The following BASP1 variants were observed in gnomAD, a reference collection of about 807,000 sequenced individuals.
BASP1 encodes the protein brain acid soluble protein 1.
Under a neutral mutation model 2.2 loss-of-function variants are expected in BASP1, and 1 was observed. The ratio of observed to expected loss-of-function variants is 0.46; its 90% CI spans 0.16 to 2.17. The LOEUF (loss-of-function observed/expected upper bound fraction) is 2.17. Ranked by LOEUF, BASP1 falls within the 30% of genes most tolerant of loss-of-function variation. The pLI, the probability that BASP1 is intolerant of heterozygous loss-of-function variation, is 0.27. For synonymous variants in BASP1, 187 were observed against 154.2 expected (o/e 1.21, Z -1.58); for missense variants, 352 against 327.2 (o/e 1.08, Z -0.58).
chr5:17,245,570 G>A (rs1185434898), intron 1 of BASP1, among the ~76,000 whole-genome samples: 2 of 151,360 alleles, frequency 1.3e-5, no homozygotes, highest in African/African-American at 2.4e-5. Flanking sequence ...TCTTACCTCA[G>A]CAATTTAATA....
intron 1 of BASP1, among the ~76,000 whole-genome samples, chr5:17,254,985 C>G (rs1212507866): frequency 6.6e-6 from 1 of 152,170 alleles, no homozygotes; most frequent in African/African-American, 2.4e-5. Flanking sequence ...TAGATAATTT[C>G]AATTCACCCT....
intron 1 of BASP1, among the ~76,000 whole-genome samples, chr5:17,255,260 T>G (rs1740184243): frequency 1.3e-5 from 2 of 152,168 alleles, no homozygotes; most frequent in South Asian, 4.1e-4. Flanking sequence ...CAGGTGTAGA[T>G]TCACAAGAGC....
intron 1 of BASP1, among the ~76,000 whole-genome samples, chr5:17,273,973 GAAA>G (rs948049927): frequency 1.3e-5 from 2 of 151,642 alleles, no homozygotes; most frequent in Non-Finnish European, 2.9e-5. Context: ...GGACTTGAAG[GAAA>G]AAAAATGCAC....
chr5:17,250,362 A>G (rs913509534), intron 1 of BASP1, among the ~76,000 whole-genome samples: 1 of 152,154 alleles, frequency 6.6e-6, no homozygotes, highest in Admixed American at 6.5e-5. Context: ...TCTTTTCTGA[A>G]ATTTTCAGCA....
chr5:17,250,834 G>A lies in BASP1; in HGVS notation c.-9-24374G>A, dbSNP rs1047588934. Among the ~76,000 whole-genome samples, 11 of 152,142 alleles carry A rather than the reference G, an allele frequency of 7.2e-5. No homozygotes were observed. The East Asian group carries it at 2.1e-3, about 30-fold the overall frequency. ...TTAGCCAGGATGGTCTCGATCTACT[G>A]ACCTCGTGATCCGCCCGCCTCGGCC... On this transcript the variant is annotated intron_variant, in intron 1 of 1. Transcript: ENST00000322611.
intron 1 of BASP1, among the ~76,000 whole-genome samples, chr5:17,255,007 G>C: frequency 6.6e-6 from 1 of 152,224 alleles, no homozygotes; most frequent in Middle Eastern, 3.4e-3. Flanking sequence ...TGCTTTCTTC[G>C]AACTGACGAA....
chr5:17,250,392 TAAC>T (rs1455075556), intron 1 of BASP1, among the ~76,000 whole-genome samples: 1 of 152,220 alleles, frequency 6.6e-6, no homozygotes, highest in Non-Finnish European at 1.5e-5. Flanking sequence ...TGGTAACTAT[TAAC>T]AATCAGTCTA....
rs1391379133 is a variant in BASP1, at chr5:17,225,240, T to G, written c.-10+7430T>G. On this transcript the variant is annotated intron_variant, in intron 1 of 1. Coordinates refer to ENST00000322611, the MANE Select transcript of BASP1 (RefSeq NM_006317.5). ...CTGTCTGCAACGTAAAACTTTTTTT[T>G]CTACCATTTTTTTTTGTACCCTAGA... Among the ~76,000 whole-genome samples the G allele has an allele frequency of 2.0e-5, 3 of 151,654 alleles. No individual in the cohort carries two copies. In the East Asian group the frequency reaches 5.8e-4, roughly 29 times the overall value.
Position 17,260,989 on chromosome 5 carries a change from G to C in BASP1, c.-9-14219G>C, listed in dbSNP as rs1740301403. 6.6e-6 allele frequency among the ~76,000 whole-genome samples: 1 copy of C among 152,022 alleles called. No homozygotes were observed. Among genetic ancestry groups the C allele is most frequent in the Non-Finnish European group, 1.5e-5 (1 of 68,016 alleles). ...GAGCTCAGGAGTTAAAGACTAGCCT[G>C]GGAAATATAGTGAGACTCCCATCTC... On this transcript the variant is annotated intron_variant, in intron 1 of 1. Coordinates refer to ENST00000322611, the MANE Select transcript of BASP1 (RefSeq NM_006317.5). The surrounding 1 kb of genome is among the most constrained non-coding windows in gnomAD (Gnocchi z 4.2).
At chr5:17,234,685 G>A (rs12716119) in intron 1 of BASP1, among the ~76,000 whole-genome samples, 15,625 of 152,196 alleles carry the variant, frequency 0.1, 1,198 homozygotes, top group African/African-American at 0.21. Flanking sequence ...CCTTTAAGTA[G>A]CTTACAGTGG....
intron 1 of BASP1, among the ~76,000 whole-genome samples, chr5:17,218,985 A>G (rs1309103755): frequency 1.0e-5 from 1 of 96,784 alleles, no homozygotes; most frequent in Non-Finnish European, 1.8e-5. Context: ...ATTTTTTAGG[A>G]CCTTGTACAG....
chr5:17,264,946 T>C (rs906663703), intron 1 of BASP1, among the ~76,000 whole-genome samples: 2 of 152,204 alleles, frequency 1.3e-5, no homozygotes, highest in Non-Finnish European at 2.9e-5. Context: ...GGAAAGAAGA[T>C]ATAAATAGGA....
intron 1 of BASP1, among the ~76,000 whole-genome samples, chr5:17,252,260 T>C (rs1163027463): frequency 3.3e-5 from 5 of 152,186 alleles, no homozygotes; most frequent in African/African-American, 1.2e-4. Context: ...ATCGCAAACA[T>C]GAACATTCTA....
At chr5:17,233,894 C>T (rs1163699045) in intron 1 of BASP1, among the ~76,000 whole-genome samples, 1 of 151,812 alleles carries the variant, frequency 6.6e-6, no homozygotes. Flanking sequence ...TTTGGGAGGC[C>T]GAGGCGGACA....
chr5:17,266,487 T>A (rs1406680483), intron 1 of BASP1, among the ~76,000 whole-genome samples: 1 of 152,120 alleles, frequency 6.6e-6, no homozygotes, highest in Non-Finnish European at 1.5e-5. Context: ...GGCCTCCTTG[T>A]TGATATTCCT....
chr5:17,269,866 T>G (rs543373686), intron 1 of BASP1, among the ~76,000 whole-genome samples: 5 of 152,348 alleles, frequency 3.3e-5, no homozygotes, highest in Admixed American at 1.3e-4. Flanking sequence ...ACGTGAAATT[T>G]GAGGCATTAA....
chr5:17,241,891 C>T (rs1234033181), intron 1 of BASP1, among the ~76,000 whole-genome samples: 1 of 152,154 alleles, frequency 6.6e-6, no homozygotes, highest in East Asian at 1.9e-4. Context: ...AAACTCAGGG[C>T]TTTCTGAAAC....
intron 1 of BASP1, among the ~76,000 whole-genome samples, chr5:17,237,969 T>C (rs1339810879): frequency 6.6e-6 from 1 of 152,170 alleles, no homozygotes; most frequent in Non-Finnish European, 1.5e-5. Flanking sequence ...GCCAAGCATG[T>C]ATGAAACACA....
At chr5:17,221,006 A>G (rs1739383675) in intron 1 of BASP1, among the ~76,000 whole-genome samples, 1 of 152,238 alleles carries the variant, frequency 6.6e-6, no homozygotes. Context: ...GGTGTCATGT[A>G]TATACACATG....
Sources: gnomAD v4.1 joint callset for allele counts (sites outside exome capture counted in the v4.1 genomes callset) on GRCh38, gnomAD v4.1.1 for gene constraint, Gnocchi (gnomAD v3.1) non-coding constraint, MANE v1.5 for transcripts, NCBI Gene and HGNC (gene_info 2026-07-23, HGNC 2026-07-21) for gene names.